The following ARHGDIA variants were observed in gnomAD, a reference collection of about 807,000 sequenced individuals.
ARHGDIA encodes the protein rho GDP-dissociation inhibitor 1.
A neutral mutation model predicts 25.0 loss-of-function variants in ARHGDIA; 9 were observed. The observed-to-expected ratio is 0.36, with a 90% CI of 0.22 to 0.63. The LOEUF is 0.63. Among genes scored for constraint, ARHGDIA ranks in the 20% least tolerant of loss-of-function variants. The pLI is 0.69. For synonymous variants in ARHGDIA, 166 were observed against 111.5 expected (o/e 1.49, Z -3.08); for missense variants, 239 against 264.3 (o/e 0.90, Z 0.66).
At position 81,868,687 on chromosome 17, in the gene ARHGDIA, G is replaced by A. The variant is rs1286140242; in HGVS notation, c.*189C>T. ...ACAGGAGACCGAGGAGGCTGGGCCT[G>A]TGGGTGGGGGAGGGCTGAGGAGGGG... On this transcript the variant is annotated 3_prime_UTR_variant, in exon 6 of 6. Transcript: ENST00000269321. 1 of 1,534,610 alleles carries A rather than the reference G, an allele frequency of 6.5e-7. No individual in the cohort carries two copies. Among genetic ancestry groups the A allele is most frequent in the East Asian group, 2.4e-5 (1 of 40,900 alleles).
rs932072713 is a variant in ARHGDIA, at chr17:81,867,965, G to A, written c.*911C>T. On this transcript the variant is annotated 3_prime_UTR_variant, in exon 6 of 6. Coordinates refer to ENST00000269321, the MANE Select transcript of ARHGDIA (RefSeq NM_004309.6). The stretch of plus-strand genomic sequence containing the variant: ...CCAGTGGCCCAGGGACGGCACGGAC[G>A]GAGGCAATAAATACTGATGGCCAGG... 13 of 170,832 alleles carry A rather than the reference G, an allele frequency of 7.6e-5. No homozygotes were observed. Among genetic ancestry groups the A allele is most frequent in the East Asian group, 4.8e-4 (3 of 6,296 alleles). 10.6% of individuals were successfully genotyped at this position (170,832 alleles called of 1,614,324 possible).
rs1462878551 is a variant in ARHGDIA, at chr17:81,869,567, C to G, written c.249G>C (p.Pro83=). ...CCGTCAGGTCCAGCTCCAGGGGGCC[C>G]GGGGCCGAGCTGCACACCAGGGTCA... is the stretch of plus-strand genomic sequence containing the variant. The part of the protein sequence containing the change: ...TGLTLVCSSA[P]GPLELDLTGD... Residue 83 remains proline, a synonymous_variant, in exon 3 of 6, where the codon CCG becomes CCC. Transcript: ENST00000269321. The G allele has an allele frequency of 6.5e-7, 1 of 1,549,644 alleles. No individual in the cohort carries two copies. The highest frequency in any genetic ancestry group is 2.0e-5 in the Admixed American group (1 of 49,242).
At chr17:81,870,372 G>A (rs34185514) in intron 1 of ARHGDIA, 27,255 of 170,702 alleles carry the variant, frequency 0.16, 2,417 homozygotes, top group Admixed American at 0.2. Context: ...CCTCAGTAGG[G>A]TTGCTCCTCT....
chr17:81,869,711 G>A (rs372030138), intron 2 of ARHGDIA, 30 bp downstream of exon 2: 232 of 1,597,588 alleles, frequency 1.5e-4, no homozygotes, highest in African/African-American at 1.3e-3. Flanking sequence ...GTGAACGGGC[G>A]GCCACCCGGC....
chr17:81,869,542 C>G lies in ARHGDIA; in HGVS notation c.274G>C (p.Gly92Arg). The change falls in exon 3 of 6, where the codon GGC becomes CGC. Residue 92 changes from glycine (G) to arginine (R), a missense_variant and splice_region_variant. Gly to Arg is a moderately radical substitution (Grantham distance 125). Transcript: ENST00000269321. ...APGPLELDLTGDLESFKKQSF... is the reference protein window; with the variant it reads ...APGPLELDLTRDLESFKKQSF... ...ACCCCCGCGGCCGCAGGGCACTCACCCGTCAGGTCCAGCTCCAGGGGGCCC... is the reference window on the plus strand; with the variant it reads ...ACCCCCGCGGCCGCAGGGCACTCACGCGTCAGGTCCAGCTCCAGGGGGCCC... 2 of 1,589,252 alleles carry G rather than the reference C, an allele frequency of 1.3e-6. No individual in the cohort carries two copies. The highest frequency in any genetic ancestry group is 1.8e-5 in the Admixed American group (1 of 56,366).
rs769871113 is a variant in ARHGDIA, at chr17:81,869,331, C to A, written c.350G>T (p.Arg117Leu). Reference sequence around the variant, plus strand: ...TGGCCACAGCAGCCTGTAGCTTACCCGGAAAGAGATTTTTATCCGGTACTC... The same window carrying A: ...TGGCCACAGCAGCCTGTAGCTTACCAGGAAAGAGATTTTTATCCGGTACTC... ...GVEYRIKISF[R>L]VNREIVSGMK... Residue 117 changes from arginine (R) to leucine (L), a missense_variant and splice_region_variant, in exon 4 of 6, where the codon CGG (arginine) becomes CTG (leucine). Around this residue, in one of 3 missense-constraint regions of ARHGDIA, gnomAD observed 75 missense variants for 122.4 expected, o/e 0.61. Coordinates refer to ENST00000269321, the MANE Select transcript of ARHGDIA (RefSeq NM_004309.6). The A allele has an allele frequency of 5.6e-6, 9 of 1,614,096 alleles. No homozygotes were observed. Among genetic ancestry groups the A allele is most frequent in the South Asian group, 1.1e-5 (1 of 91,080 alleles).
At chr17:81,870,201 C>T (rs1454566872) in intron 1 of ARHGDIA, 2 of 477,040 alleles carry the variant, frequency 4.2e-6, no homozygotes, top group Non-Finnish European at 7.6e-6. Context: ...GGACACACCT[C>T]CCCCTCCACG....
rs751651614 is a variant in ARHGDIA, at chr17:81,868,991, T to C, written c.500A>G (p.Lys167Arg). 7.4e-6 allele frequency: 12 copies of C among 1,613,680 alleles called. No individual in the cohort carries two copies. The South Asian group carries it at 7.7e-5, about 10-fold the overall frequency. The change falls in exon 6 of 6, where the codon AAG (lysine) becomes AGG (arginine). Residue 167 changes from lysine (K) to arginine (R), a missense_variant. By Grantham distance (26) the Lys-to-Arg change is conservative. Coordinates refer to ENST00000269321, the MANE Select transcript of ARHGDIA (RefSeq NM_004309.6). The part of the protein sequence containing the change: ...EFLTPVEEAP[K>R]GMLARGSYSI... The stretch of plus-strand genomic sequence containing the variant: ...GTAGCTGCCCCGGGCCAGCATACCC[T>C]TGGGTGCCTCCTCCACGGGGGTCAG...
Position 81,869,956 on chromosome 17 carries a change from AC to A in ARHGDIA, c.-27del. ...GCTCAAGCTTAGCCTGGGTCGGGACACCTGTGGGCGGGACGGTGACAGGCCT... is the reference window on the plus strand; with the variant it reads ...GCTCAAGCTTAGCCTGGGTCGGGACACTGTGGGCGGGACGGTGACAGGCCT... On this transcript the variant is annotated splice_region_variant and 5_prime_UTR_variant, in exon 2 of 6. Transcript: ENST00000269321. The A allele has an allele frequency of 6.2e-7, 1 of 1,609,682 alleles. No homozygotes were observed. Among genetic ancestry groups the A allele is most frequent in the Non-Finnish European group, 8.5e-7 (1 of 1,179,564 alleles).
rs998061919 is a variant in ARHGDIA, at chr17:81,868,046, T to TG, written c.*829dup. 1.7e-3 allele frequency: 426 copies of TG among 251,440 alleles called. No individual in the cohort carries two copies. The highest frequency in any genetic ancestry group is 6.3e-4 in the Non-Finnish European group (82 of 131,130). 15.6% of individuals were successfully genotyped at this position (251,440 alleles called of 1,614,324 possible). A position where few individuals can be genotyped will look rare whatever the true frequency, so the allele number is the denominator to read the frequency against. On this transcript the variant is annotated 3_prime_UTR_variant, in exon 6 of 6. Transcript: ENST00000269321. ...AGTGAGGCTGTCCATCGAGGGCTCT[T>TG]GGGGGGGTGTGGGCTCTGGGCACTG... is the stretch of plus-strand genomic sequence containing the variant.
Position 81,869,256 on chromosome 17 carries a change from G to A in ARHGDIA, c.352-20C>T. 1 of 1,614,128 alleles carries A rather than the reference G, an allele frequency of 6.2e-7. No homozygotes were observed. Among genetic ancestry groups the A allele is most frequent in the Non-Finnish European group, 8.5e-7 (1 of 1,180,010 alleles). ...GTTAACCTGCAGGACCCGAAGCGAG[G>A]ATCAGGGAAGGTCGGTCCGGACCCC... is the stretch of plus-strand genomic sequence containing the variant. On this transcript the variant is annotated intron_variant, in intron 4 of 5. Coordinates refer to ENST00000269321, the MANE Select transcript of ARHGDIA (RefSeq NM_004309.6).
Position 81,869,385 on chromosome 17 carries a change from T to C in ARHGDIA, c.296A>G (p.Lys99Arg), listed in dbSNP as rs1382520810. ...DLTGDLESFK[K>R]QSFVLKEGVE... ...ACCCTCCTTCAGCACAAACGACTGCTTCTTGAAGCTCTCCAGGTCGCCTGT... is the reference window on the plus strand; with the variant it reads ...ACCCTCCTTCAGCACAAACGACTGCCTCTTGAAGCTCTCCAGGTCGCCTGT... Residue 99 changes from lysine to arginine, a missense_variant, in exon 4 of 6, where the codon AAG becomes AGG. By Grantham distance (26) the Lys-to-Arg change is conservative (BLOSUM62 2). Transcript: ENST00000269321. 10 of 1,613,886 alleles carry C rather than the reference T, an allele frequency of 6.2e-6. No individual in the cohort carries two copies. Among genetic ancestry groups the C allele is most frequent in the Non-Finnish European group, 8.5e-6 (10 of 1,179,994 alleles).
At chr17:81,869,512 C>G (rs1241572910) in intron 3 of ARHGDIA, 30 bp downstream of exon 3, 2 of 1,605,474 alleles carry the variant, frequency 1.2e-6, no homozygotes, top group Non-Finnish European at 1.7e-6. Flanking sequence ...CCAGGGGCCG[C>G]CCGGACCCCC....
At position 81,868,853 on chromosome 17, in the gene ARHGDIA, G is replaced by T; in HGVS notation, c.*23C>A. ...CTGTCCGTCGTCCGTCCGTCAGTCT[G>T]CCCTGCCCGCCTCTGGCTGGGCTCA... On this transcript the variant is annotated 3_prime_UTR_variant, in exon 6 of 6. Coordinates refer to ENST00000269321, the MANE Select transcript of ARHGDIA (RefSeq NM_004309.6). The T allele has an allele frequency of 5.6e-6, 9 of 1,613,102 alleles. No homozygotes were observed. Among genetic ancestry groups the T allele is most frequent in the Non-Finnish European group, 7.6e-6 (9 of 1,179,746 alleles).
At position 81,868,238 on chromosome 17, in the gene ARHGDIA, A is replaced by G; in HGVS notation, c.*638T>C. The G allele has an allele frequency of 1.1e-6, 1 of 909,980 alleles. No individual in the cohort carries two copies. The highest frequency in any genetic ancestry group is 2.2e-5 in the South Asian group (1 of 45,702). The allele number at this position is 909,980 out of a possible 1,614,324, so 56.4% of individuals were successfully genotyped here. ...GCCAGGCACTGGTGGGCTGGGGAGC[A>G]GCAGCAGCACACCCCACGTGTCCCT... On this transcript the variant is annotated 3_prime_UTR_variant, in exon 6 of 6. Coordinates refer to ENST00000269321, the MANE Select transcript of ARHGDIA (RefSeq NM_004309.6).
Position 81,868,431 on chromosome 17 carries a change from A to T in ARHGDIA, c.*445T>A. On this transcript the variant is annotated 3_prime_UTR_variant, in exon 6 of 6. Transcript: ENST00000269321. Reference sequence around the variant, plus strand: ...GCTGGCCAGGGAGCAGCGGGGCTGGAGGACGGCCCGGCCCCCACGAGGCCG... The same window carrying T: ...GCTGGCCAGGGAGCAGCGGGGCTGGTGGACGGCCCGGCCCCCACGAGGCCG... 6.8e-7 allele frequency: 1 copy of T among 1,461,150 alleles called. No homozygotes were observed. Among genetic ancestry groups the T allele is most frequent in the Non-Finnish European group, 9.0e-7 (1 of 1,110,350 alleles). 90.5% of individuals were successfully genotyped at this position (1,461,150 alleles called of 1,614,324 possible).
At position 81,868,927 on chromosome 17, in the gene ARHGDIA, G is replaced by A. The variant is rs771597292; in HGVS notation, c.564C>T (p.Asp188=). The A allele has an allele frequency of 8.7e-6, 14 of 1,613,758 alleles. No individual in the cohort carries two copies. The Admixed American group carries it at 2.2e-4, about 25-fold the overall frequency. The change falls in exon 6 of 6, where the codon GAC becomes GAT. Residue 188 remains aspartate, a synonymous_variant. Coordinates refer to ENST00000269321, the MANE Select transcript of ARHGDIA (RefSeq NM_004309.6). ...TGAGATTCCACTCCCAGGACAGGTG[G>A]TCGGTCTTGTCGTCGTCTGTGAAGC... ...KSRFTDDDKT[D]HLSWEWNLTI...
rs754320727 is a variant in ARHGDIA, at chr17:81,869,884, G to A, written c.47C>T (p.Ala16Val). The change falls in exon 2 of 6, where the codon GCG (alanine) becomes GTG (valine). Residue 16 changes from alanine to valine, a missense_variant. By Grantham distance (64) the Ala-to-Val change is moderately conservative (BLOSUM62 0). Coordinates refer to ENST00000269321, the MANE Select transcript of ARHGDIA (RefSeq NM_004309.6). ...PTAEQLAQIA[A>V]ENEEDEHSVN... is the part of the protein sequence containing the mutation. ...CGAGTGCTCATCCTCCTCGTTCTCC[G>A]CTGCAATCTGGGCCAGCTGCTCGGC... 10 of 1,613,818 alleles carry A rather than the reference G, an allele frequency of 6.2e-6. No homozygotes were observed. The highest frequency in any genetic ancestry group is 5.0e-5 in the Admixed American group (3 of 59,994).
In ARHGDIA at chr17:81,868,830, G is replaced by T. The variant is rs753761809; in HGVS notation, c.*46C>A. On this transcript the variant is annotated 3_prime_UTR_variant, in exon 6 of 6. Coordinates refer to ENST00000269321, the MANE Select transcript of ARHGDIA (RefSeq NM_004309.6). ...GGGGCTGGGGGGGACACATCCGCCT[G>T]TCCGTCGTCCGTCCGTCAGTCTGCC... The T allele has an allele frequency of 3.7e-6, 6 of 1,611,820 alleles. No individual in the cohort carries two copies. The African/African-American group carries it at 6.7e-5, about 18-fold the overall frequency.
Sources: gnomAD v4.1 joint callset for allele counts on GRCh38, gnomAD v4.1.1 for gene constraint, gnomAD v4.1.1 regional missense constraint, MANE v1.5 for transcripts, NCBI Gene and HGNC (gene_info 2026-07-23, HGNC 2026-07-21) for gene names.